Variants in USP9X observed in about 807,000 individuals in gnomAD.
The protein encoded by USP9X is ubiquitin specific peptidase 9 X-linked.
USP9X carries 7 observed loss-of-function variants against 190.3 expected under a neutral mutation model. The observed-to-expected ratio is 0.04, with a 90% CI of 0.02 to 0.07. The LOEUF is 0.07. Ranked by LOEUF, USP9X falls within the 10% of genes least tolerant of loss-of-function variation. The pLI is 1.00. For missense variants in USP9X, 1,010 were observed against 1,916.9 expected (o/e 0.53, Z 8.83); for synonymous variants, 645 against 659.5 (o/e 0.98, Z 0.34).
rs770647043 is a variant in USP9X at position 41,090,426 on chromosome X, A to G, written c.-159+4317A>G. Among the ~76,000 whole-genome samples the G allele has an allele frequency of 2.3e-4, 26 of 112,596 alleles. No individual in the cohort carries two copies. In the South Asian group the frequency reaches 2.9e-3, roughly 13 times the overall value. On this transcript the variant is annotated intron_variant, in intron 1 of 44. Transcript: ENST00000378308. ...TTTAAAGAATAACTTGTGAAAAAGT[A>G]TATTGTTAGGATGAGATCGCTTACC...
At chrX:41,175,181 A>G (rs1302397746) in intron 21 of USP9X, among the ~76,000 whole-genome samples, 4 of 111,364 alleles carry the variant, frequency 3.6e-5, no homozygotes, top group East Asian at 5.6e-4. Context: ...TTACTTTAAT[A>G]TGTTCCCATT....
chrX:41,105,100 A>AG (rs966954896), intron 1 of USP9X, among the ~76,000 whole-genome samples: 7 of 111,424 alleles, frequency 6.3e-5, no homozygotes, highest in African/African-American at 2.3e-4. Flanking sequence ...GGCAGGTATA[A>AG]GGGGGAGGGT....
intron 4 of USP9X, among the ~76,000 whole-genome samples, chrX:41,134,514 A>T (rs773196920): frequency 5.3e-5 from 6 of 112,597 alleles, no homozygotes; most frequent in Non-Finnish European, 1.1e-4. Flanking sequence ...GGTGCTGCTG[A>T]TCACCATTTT....
Position 41,089,773 on chromosome X carries a change from C to T in USP9X, c.-159+3664C>T, listed in dbSNP as rs186950370. The stretch of plus-strand genomic sequence containing the variant: ...ATTGATGTATAATTGTTTTATGGAA[C>T]GAATGAAATAACAATAACAGACATT... On this transcript the variant is annotated intron_variant, in intron 1 of 44. Coordinates refer to ENST00000378308, the MANE Select transcript of USP9X (RefSeq NM_001039591.3). Among the ~76,000 whole-genome samples the T allele has an allele frequency of 3.4e-4, 37 of 110,255 alleles. No homozygotes were observed. In the East Asian group the frequency reaches 4.5e-3, roughly 13 times the overall value.
intron 9 of USP9X, among the ~76,000 whole-genome samples, chrX:41,142,489 G>A (rs924802014): frequency 9.0e-6 from 1 of 111,603 alleles, no homozygotes; most frequent in East Asian, 2.8e-4. Flanking sequence ...AAAAACATAT[G>A]TGTATATATG....
chrX:41,101,510 C>T (rs1188971086), intron 1 of USP9X, among the ~76,000 whole-genome samples: 2 of 110,168 alleles, frequency 1.8e-5, no homozygotes, highest in Non-Finnish European at 3.8e-5. Flanking sequence ...TTGCTTGGAC[C>T]CGGGAGGTTG....
rs1271770573 is a variant in USP9X, at chrX:41,198,684, G to A, written c.4537G>A (p.Val1513Met). ...ELLVALAVGC[V>M]RNLKQIVDSL... Reference sequence around the variant, plus strand: ...ACTTGTAGCATTAGCTGTTGGCTGTGTGAGGAATCTCAAACAAATAGTAGA... The same window carrying A: ...ACTTGTAGCATTAGCTGTTGGCTGTATGAGGAATCTCAAACAAATAGTAGA... The change falls in exon 30 of 45, where the codon GTG (valine) becomes ATG (methionine). Residue 1513 changes from valine to methionine, a missense_variant. Physicochemically the swap from Val to Met is conservative, Grantham distance 21. Around this residue, in one of 11 missense-constraint regions of USP9X, gnomAD observed 120 missense variants for 342.7 expected, o/e 0.35. Transcript: ENST00000378308. 3.3e-6 allele frequency: 4 copies of A among 1,211,747 alleles called. No individual in the cohort carries two copies. The highest frequency in any genetic ancestry group is 4.5e-6 in the Non-Finnish European group (4 of 895,452).
chrX:41,100,848 T>C (rs1351508128), intron 1 of USP9X, among the ~76,000 whole-genome samples: 2 of 110,358 alleles, frequency 1.8e-5, no homozygotes, highest in Admixed American at 9.7e-5. Flanking sequence ...GGTTTCACCA[T>C]GTTGGCCAGG....
At chrX:41,108,279 CCTCT>C (rs1281427735) in intron 1 of USP9X, among the ~76,000 whole-genome samples, 4 of 111,665 alleles carry the variant, frequency 3.6e-5, no homozygotes, top group African/African-American at 1.3e-4. Context: ...CTCTGTTAAA[CCTCT>C]CTCTGTGTTG....
intron 33 of USP9X, among the ~76,000 whole-genome samples, chrX:41,213,002 C>G (rs2063180402): frequency 8.9e-6 from 1 of 111,983 alleles, no homozygotes; most frequent in Admixed American, 9.4e-5. Flanking sequence ...GTCATTTGTT[C>G]ATGTTACTCC....
Position 41,197,352 on chromosome X carries a change from C to CCCCCGGGGGCG in USP9X, c.4234-12_4234-11insCCCCGGGGGCG. Reference sequence around the variant, plus strand: ...TTCTTCCCCCCCCCACCCCACCCCCCGCCTTTGGCAGGATGATGTTAAAAG... The same window carrying CCCCCGGGGGCG: ...TTCTTCCCCCCCCCACCCCACCCCCCCCCCGGGGGCGGCCTTTGGCAGGATGATGTTAAAAG... On this transcript the variant is annotated splice_polypyrimidine_tract_variant and intron_variant, in intron 28 of 44. Transcript: ENST00000378308. The CCCCCGGGGGCG allele has an allele frequency of 2.0e-6, 2 of 988,212 alleles. No individual in the cohort carries two copies. Among genetic ancestry groups the CCCCCGGGGGCG allele is most frequent in the Non-Finnish European group, 2.6e-6 (2 of 759,381 alleles). 81.4% of individuals were successfully genotyped at this position (988,212 alleles called of 1,213,427 possible). A position where few individuals can be genotyped will look rare whatever the true frequency, so the allele number is the denominator to read the frequency against.
At position 41,088,287 on chromosome X, in the gene USP9X, T is replaced by A. The variant is rs186121210; in HGVS notation, c.-159+2178T>A. ...TGGAATGCTCAAGTAGGATTTACTT[T>A]AGATCTTTTTTCTTCCAGAGTCTTG... On this transcript the variant is annotated intron_variant, in intron 1 of 44. Coordinates refer to ENST00000378308, the MANE Select transcript of USP9X (RefSeq NM_001039591.3). Among the ~76,000 whole-genome samples, 295 of 112,506 alleles carry A rather than the reference T, an allele frequency of 2.6e-3. 1 individual carries two copies. Among genetic ancestry groups the A allele is most frequent in the African/African-American group, 9.2e-3 (284 of 30,974 alleles).
chrX:41,197,331 T>TGGGCCCCCCCCCCCCCC, intron 28 of USP9X, 33 bp from the exon 29 acceptor site: 1 of 486,758 alleles, frequency 2.1e-6, no homozygotes, highest in Non-Finnish European at 2.9e-6. Context: ...TTTGATTTCT[T>TGGGCCCCCCCCCCCCCC]CCCCCCCCCA....
Position 41,134,720 on chromosome X carries a change from C to A in USP9X, c.323-5C>A, listed in dbSNP as rs755866120. 8.3e-7 allele frequency: 1 copy of A among 1,199,144 alleles called. No individual in the cohort carries two copies. Among genetic ancestry groups the A allele is most frequent in the Non-Finnish European group, 1.1e-6 (1 of 887,550 alleles). On this transcript the variant is annotated splice_polypyrimidine_tract_variant and splice_region_variant and intron_variant, in intron 4 of 44. Coordinates refer to ENST00000378308, the MANE Select transcript of USP9X (RefSeq NM_001039591.3). Reference sequence around the variant, plus strand: ...TTTGCATTAATTTTTCTCCCTTTTTCTTAGGCCTTGATGTTAAAAGTGAAG... The same window carrying A: ...TTTGCATTAATTTTTCTCCCTTTTTATTAGGCCTTGATGTTAAAAGTGAAG...
At chrX:41,099,090 A>T (rs1314524573) in intron 1 of USP9X, among the ~76,000 whole-genome samples, 1 of 64,677 alleles carries the variant, frequency 1.5e-5, no homozygotes, top group African/African-American at 6.5e-5. Flanking sequence ...TAATGCCCAG[A>T]TAATTGTTTT....
chrX:41,128,858 CTTTGCAGATG>C (rs1432927312), intron 2 of USP9X, 132 bp from the exon 3 acceptor site: 4 of 622,091 alleles, frequency 6.4e-6, no homozygotes, highest in Non-Finnish European at 9.8e-6. Flanking sequence ...TGTTGGTTGA[CTTTGCAGATG>C]CAGAACCCAT....
intron 23 of USP9X, among the ~76,000 whole-genome samples, chrX:41,184,960 G>A (rs2062860520): frequency 8.9e-6 from 1 of 111,859 alleles, no homozygotes; most frequent in South Asian, 3.7e-4. Context: ...GTGCCTGGTA[G>A]ATATATAAAG....
rs764930074 is a variant in USP9X, at chrX:41,141,493, G to A, written c.1161+62G>A. 49 of 1,014,853 alleles carry A rather than the reference G, an allele frequency of 4.8e-5. 1 individual carries two copies. The East Asian group carries it at 1.7e-3, about 35-fold the overall frequency. The allele number at this position is 1,014,853 out of a possible 1,213,427, so 83.6% of individuals were successfully genotyped here. ...CTACTTAAGACAAGAAATTAGAATA[G>A]CTCTAGCTAAAAAAATTAGTAATAG... On this transcript the variant is annotated intron_variant, in intron 9 of 44. Transcript: ENST00000378308.
At chrX:41,150,127 A>C (rs746693816) in intron 12 of USP9X, among the ~76,000 whole-genome samples, 11 of 110,345 alleles carry the variant, frequency 1.0e-4, no homozygotes, top group Non-Finnish European at 1.9e-4. Context: ...ATTACAAAAT[A>C]ACCCCAAACT....
Sources: gnomAD v4.1 joint callset for allele counts (sites outside exome capture counted in the v4.1 genomes callset) on GRCh38, gnomAD v4.1.1 for gene constraint, gnomAD v4.1.1 regional missense constraint, MANE v1.5 for transcripts, NCBI Gene and HGNC (gene_info 2026-07-23, HGNC 2026-07-21) for gene names.